Variants in BMP8A observed in about 807,000 individuals in gnomAD.
The protein encoded by BMP8A is bone morphogenetic protein 8a.
A neutral mutation model predicts 36.8 loss-of-function variants in BMP8A; 14 were observed. The observed-to-expected ratio is 0.38, with a 90% CI of 0.25 to 0.60. The LOEUF (loss-of-function observed/expected upper bound fraction) is 0.60, where lower values mean the gene tolerates loss of function less well. Ranked by LOEUF, BMP8A falls within the 20% of genes least tolerant of loss-of-function variation. The probability of loss-of-function intolerance (pLI) is 0.63; values close to 1 mark genes in which losing one functional copy is unlikely to be tolerated. For missense variants in BMP8A, 267 were observed against 551.1 expected (o/e 0.48, Z 5.16); for synonymous variants, 120 against 237.7 (o/e 0.50, Z 4.55).
intron 1 of BMP8A, among the ~76,000 whole-genome samples, chr1:39,508,448 C>T (rs1189556761): frequency 6.6e-6 from 1 of 152,194 alleles, no homozygotes. Context: ...CCTTTCACAG[C>T]CCTGGGTGGG....
chr1:39,496,962 A>G (rs955705720), intron 1 of BMP8A, among the ~76,000 whole-genome samples: 1 of 152,128 alleles, frequency 6.6e-6, no homozygotes, highest in African/African-American at 2.4e-5. Context: ...CTACCAGACA[A>G]TCCTTCCGGC....
rs2377809 is a variant in BMP8A, at chr1:39,523,069, G to A, written c.1011G>A (p.Pro337=). The change falls in exon 6 of 7, where the codon CCG becomes CCA. Residue 337 remains proline, a synonymous_variant. Coordinates refer to ENST00000331593, the MANE Select transcript of BMP8A (RefSeq NM_181809.4). ...ACTGTGAGGGGGAGTGCTCCTTCCC[G>A]CTGGACTCCTGCATGAACGCCACCA... The part of the protein sequence containing the change: ...AYYCEGECSF[P]LDSCMNATNH... 267 of 1,613,582 alleles carry A rather than the reference G, an allele frequency of 1.7e-4. No homozygotes were observed. In the East Asian group the frequency reaches 2.3e-3, roughly 14 times the overall value.
intron 1 of BMP8A, among the ~76,000 whole-genome samples, chr1:39,495,586 C>T (rs1411728238): frequency 4.2e-5 from 6 of 143,704 alleles, no homozygotes; most frequent in Admixed American, 7.0e-5. Context: ...TCCTGAGCCA[C>T]GGCCCTTCCC....
chr1:39,523,488 C>G, intron 6 of BMP8A: 1 of 1,306,790 alleles, frequency 7.7e-7, no homozygotes, highest in Non-Finnish European at 1.0e-6. Flanking sequence ...CACGGGCCCC[C>G]GAGTACGCTG....
At chr1:39,507,146 TAGAG>T (rs529354553) in intron 1 of BMP8A, among the ~76,000 whole-genome samples, 1 of 152,150 alleles carries the variant, frequency 6.6e-6, no homozygotes, top group Non-Finnish European at 1.5e-5. Flanking sequence ...AGGGCCACCA[TAGAG>T]AGAGGATTCC....
At position 39,527,392 on chromosome 1, in the gene BMP8A, T is replaced by A. The variant is rs975078174; in HGVS notation, c.*1594T>A. ...AGACAGAGTCCAGCTGCCCAAACCG[T>A]GTCATTAAAAGCAGATCCTGGGCCC... On this transcript the variant is annotated 3_prime_UTR_variant, in exon 7 of 7. Coordinates refer to ENST00000331593, the MANE Select transcript of BMP8A (RefSeq NM_181809.4). 2.0e-5 allele frequency among the ~76,000 whole-genome samples: 3 copies of A among 152,048 alleles called. No homozygotes were observed. Among genetic ancestry groups the A allele is most frequent in the Non-Finnish European group, 4.4e-5 (3 of 67,970 alleles).
At position 39,521,683 on chromosome 1, in the gene BMP8A, G is replaced by T; in HGVS notation, c.868+113G>T. 2 of 429,650 alleles carry T rather than the reference G, an allele frequency of 4.7e-6. 1 individual carries two copies. The highest frequency in any genetic ancestry group is 5.2e-5 in the South Asian group (2 of 38,296). 26.6% of individuals were successfully genotyped at this position (429,650 alleles called of 1,614,324 possible). A position where few individuals can be genotyped will look rare whatever the true frequency, so the allele number is the denominator to read the frequency against. On this transcript the variant is annotated intron_variant, in intron 4 of 6. Transcript: ENST00000331593. The stretch of plus-strand genomic sequence containing the variant: ...CAGGCTCAGGTCGGTTCAAGCTGAC[G>T]GCCACTCTCCAGCCACCTTTCCTGA...
Position 39,525,999 on chromosome 1 carries a change from G to A in BMP8A, c.*201G>A, listed in dbSNP as rs979069604. Reference sequence around the variant, plus strand: ...GGGGTTTGTGGCTGTCACTCTGCCCGACACTTTGGTGGCCTAAGGCACACA... The same window carrying A: ...GGGGTTTGTGGCTGTCACTCTGCCCAACACTTTGGTGGCCTAAGGCACACA... On this transcript the variant is annotated 3_prime_UTR_variant, in exon 7 of 7. Coordinates refer to ENST00000331593, the MANE Select transcript of BMP8A (RefSeq NM_181809.4). 2.1e-5 allele frequency: 19 copies of A among 921,826 alleles called. No individual in the cohort carries two copies. Among genetic ancestry groups the A allele is most frequent in the East Asian group, 1.9e-4 (7 of 37,466 alleles). The allele number at this position is 921,826 out of a possible 1,614,324, so 57.1% of individuals were successfully genotyped here. A position where few individuals can be genotyped will look rare whatever the true frequency, so the allele number is the denominator to read the frequency against.
chr1:39,525,920 C>A lies in BMP8A; in HGVS notation c.*122C>A, dbSNP rs1390511151. 10 of 1,483,776 alleles carry A rather than the reference C, an allele frequency of 6.7e-6. No homozygotes were observed. Among genetic ancestry groups the A allele is most frequent in the African/African-American group, 1.4e-5 (1 of 72,034 alleles). The allele number at this position is 1,483,776 out of a possible 1,614,324, so 91.9% of individuals were successfully genotyped here. A position where few individuals can be genotyped will look rare whatever the true frequency, so the allele number is the denominator to read the frequency against. On this transcript the variant is annotated 3_prime_UTR_variant, in exon 7 of 7. Transcript: ENST00000331593. ...GTGTCAGGGGCCCTCACTCTCGGTG[C>A]CTACTTCCTGTCAGGCTTCTGGTCC...
At position 39,525,729 on chromosome 1, in the gene BMP8A, T is replaced by C. The variant is rs1335841033; in HGVS notation, c.1140T>C (p.Tyr380=). The change falls in exon 7 of 7, where the codon TAT becomes TAC. Residue 380 remains tyrosine, a synonymous_variant. Coordinates refer to ENST00000331593, the MANE Select transcript of BMP8A (RefSeq NM_181809.4). The part of the protein sequence containing the change: ...TKLSATSVLY[Y]DSSNNVILRK... ...TGAGCGCCACCTCTGTGCTCTACTATGACAGCAGCAACAACGTCATCCTGC... is the reference window on the plus strand; with the variant it reads ...TGAGCGCCACCTCTGTGCTCTACTACGACAGCAGCAACAACGTCATCCTGC... The C allele has an allele frequency of 6.2e-7, 1 of 1,614,204 alleles. No homozygotes were observed. The highest frequency in any genetic ancestry group is 1.7e-5 in the Admixed American group (1 of 60,032).
At chr1:39,503,513 T>C (rs1427819119) in intron 1 of BMP8A, among the ~76,000 whole-genome samples, 223 of 134,484 alleles carry the variant, frequency 1.7e-3, no homozygotes, top group African/African-American at 5.7e-3. Flanking sequence ...TCTTTCTTTT[T>C]TTTTTTTTTT....
In BMP8A at chr1:39,529,321, T is replaced by C. The variant is rs887146306; in HGVS notation, c.*3523T>C. Among the ~76,000 whole-genome samples the C allele has an allele frequency of 6.6e-6, 1 of 152,228 alleles. No homozygotes were observed. The highest frequency in any genetic ancestry group is 1.5e-5 in the Non-Finnish European group (1 of 68,032). ...AGAGCTATGCTTTTCATCAAAAACC[T>C]AAACGTGATCATCTCTTGGATGAGG... is the stretch of plus-strand genomic sequence containing the variant. On this transcript the variant is annotated 3_prime_UTR_variant, in exon 7 of 7. Coordinates refer to ENST00000331593, the MANE Select transcript of BMP8A (RefSeq NM_181809.4).
intron 3 of BMP8A, among the ~76,000 whole-genome samples, chr1:39,520,236 G>A (rs1645420636): frequency 7.2e-6 from 1 of 139,354 alleles, no homozygotes; most frequent in African/African-American, 2.6e-5. Context: ...AACCTCCCAG[G>A]CTCAAGCAGT....
intron 1 of BMP8A, among the ~76,000 whole-genome samples, chr1:39,504,220 C>G (rs186348842): frequency 1.3e-5 from 2 of 151,068 alleles, no homozygotes. Flanking sequence ...TACAGAGAGA[C>G]AAAGTATAGA....
intron 1 of BMP8A, among the ~76,000 whole-genome samples, 187 bp from the exon 2 acceptor site, chr1:39,510,987 C>T (rs1299736686): frequency 1.3e-5 from 2 of 152,178 alleles, no homozygotes; most frequent in South Asian, 4.1e-4. Flanking sequence ...CCTCTTGGCC[C>T]TGTCTACACC....
intron 1 of BMP8A, among the ~76,000 whole-genome samples, chr1:39,494,326 C>T (rs76945402): frequency 0.035 from 5,280 of 150,746 alleles, 121 homozygotes; most frequent in Non-Finnish European, 0.05. Context: ...TCCTTTCTTT[C>T]CTTCTTTCTT....
chr1:39,523,683 G>A, intron 6 of BMP8A: 2 of 1,419,594 alleles, frequency 1.4e-6, no homozygotes, highest in Non-Finnish European at 9.3e-7. Context: ...TTGATGCCTT[G>A]GTGTCTGGGG....
At chr1:39,493,746 G>T (rs1474494578) in intron 1 of BMP8A, among the ~76,000 whole-genome samples, 4 of 152,226 alleles carry the variant, frequency 2.6e-5, no homozygotes, top group Admixed American at 6.5e-5. Flanking sequence ...ACAGGGTGGG[G>T]ATGTGGGACA....
chr1:39,523,507 G>T, intron 6 of BMP8A: 2 of 1,353,130 alleles, frequency 1.5e-6, no homozygotes, highest in South Asian at 3.7e-5. Flanking sequence ...TGGCAAGTCT[G>T]ACCGCCTGTG....
Sources: gnomAD v4.1 joint callset for allele counts (sites outside exome capture counted in the v4.1 genomes callset) on GRCh38, gnomAD v4.1.1 for gene constraint, MANE v1.5 for transcripts, NCBI Gene and HGNC (gene_info 2026-07-23, HGNC 2026-07-21) for gene names.